Variants in ANXA1 observed in about 807,000 individuals in gnomAD.
ANXA1 encodes the protein annexin I (lipocortin I).
ANXA1 carries 39 observed loss-of-function variants against 47.9 expected under a neutral mutation model. That is an observed-to-expected ratio of 0.81 (90% CI 0.63 to 1.06). ANXA1 has a LOEUF of 1.06. Among genes scored for constraint, ANXA1 ranks in the 50% least tolerant of loss-of-function variants. The pLI is 0.00. For synonymous variants in ANXA1, 146 were observed against 142.5 expected (o/e 1.02, Z -0.17); for missense variants, 446 against 422.7 (o/e 1.06, Z -0.48).
intron 1 of ANXA1, 164 bp from the exon 2 acceptor site, chr9:73,158,358 A>G (rs1824081792): frequency 1.7e-6 from 1 of 579,196 alleles, no homozygotes; most frequent in African/African-American, 1.9e-5. Flanking sequence ...CCTTTAAAAA[A>G]AATTACGTCT....
chr9:73,168,780 G>C (rs930239599), intron 11 of ANXA1: 1 of 260,814 alleles, frequency 3.8e-6, no homozygotes, highest in Non-Finnish European at 7.3e-6. Flanking sequence ...ACAGTGTAGA[G>C]ACCGGATGGT....
At chr9:73,158,491 T>G in intron 1 of ANXA1, 31 bp from the exon 2 acceptor site, 2 of 1,571,984 alleles carry the variant, frequency 1.3e-6, no homozygotes, top group Non-Finnish European at 1.7e-6. Context: ...TGCATTTGTT[T>G]TGTAAAAGCA....
At position 73,167,503 on chromosome 9, in the gene ANXA1, G is replaced by A. The variant is rs1470954682; in HGVS notation, c.809G>A (p.Cys270Tyr). Residue 270 changes from cysteine to tyrosine, a missense_variant, in exon 11 of 13, where the codon TGC (cysteine) becomes TAC (tyrosine). Physicochemically the swap from Cys to Tyr is radical, Grantham distance 194 (BLOSUM62 -2). Transcript: ENST00000257497. ...AAATTTTCTTCTCTAACAGTGAAGT[G>A]CGCCACAAGCAAACCAGCTTTCTTT... is the stretch of plus-strand genomic sequence containing the variant. ...IEKCLTAIVK[C>Y]ATSKPAFFAE... is the part of the protein sequence containing the mutation. The A allele has an allele frequency of 6.2e-7, 1 of 1,613,110 alleles. No individual in the cohort carries two copies. The highest frequency in any genetic ancestry group is 1.3e-5 in the African/African-American group (1 of 74,840).
chr9:73,167,649 A>G, intron 11 of ANXA1, 94 bp downstream of exon 11: 1 of 1,101,300 alleles, frequency 9.1e-7, no homozygotes, highest in Non-Finnish European at 1.3e-6. Flanking sequence ...CTCACATTTA[A>G]TATCTTCCCA....
chr9:73,168,249 T>A (rs928917756), intron 11 of ANXA1: 1 of 152,144 alleles, frequency 6.6e-6, no homozygotes, highest in Non-Finnish European at 1.5e-5. Context: ...TAATATGAAA[T>A]GATAGACATG....
Position 73,160,363 on chromosome 9 carries a change from G to C in ANXA1, c.371G>C (p.Arg124Pro). ...TPAQFDADEL[R>P]AAMKGLGTDE... is the part of the protein sequence containing the mutation. ...GCGCAATTTGATGCTGATGAACTTC[G>C]TGCTGCCATGAAGGTAAATCGCCCA... The change falls in exon 5 of 13, where the codon CGT becomes CCT. Residue 124 changes from arginine (R) to proline (P), a missense_variant. Physicochemically the swap from Arg to Pro is moderately radical, Grantham distance 103. Coordinates refer to ENST00000257497, the MANE Select transcript of ANXA1 (RefSeq NM_000700.3). 10 of 1,576,272 alleles carry C rather than the reference G, an allele frequency of 6.3e-6. No homozygotes were observed. Among genetic ancestry groups the C allele is most frequent in the Non-Finnish European group, 8.6e-6 (10 of 1,167,962 alleles).
chr9:73,156,122 A>C (rs1463396840), intron 1 of ANXA1, among the ~76,000 whole-genome samples: 1 of 29,332 alleles, frequency 3.4e-5, no homozygotes, highest in African/African-American at 9.1e-5. Context: ...TAATAATAAT[A>C]ATAAATAAAT....
chr9:73,162,684 T>C (rs1824163173), intron 6 of ANXA1, 98 bp from the exon 7 acceptor site: 1 of 806,252 alleles, frequency 1.2e-6, no homozygotes, highest in African/African-American at 1.7e-5. Context: ...CATTGAACAC[T>C]GTGGCACTGT....
At chr9:73,170,007 A>T in intron 12 of ANXA1, 44 bp from the exon 13 acceptor site, 2 of 1,437,842 alleles carry the variant, frequency 1.4e-6, no homozygotes, top group Non-Finnish European at 1.9e-6. Context: ...ATAGAGAATT[A>T]TGGTTTCGAC....
At chr9:73,152,615 C>T (rs1430992969) in intron 1 of ANXA1, among the ~76,000 whole-genome samples, 2 of 152,032 alleles carry the variant, frequency 1.3e-5, no homozygotes, top group Non-Finnish European at 2.9e-5. Context: ...GGCTGGAAAA[C>T]CTAAAAAGAA....
rs10869230 is a variant in ANXA1, at chr9:73,156,152, A to T, written c.-14-2370A>T. Among the ~76,000 whole-genome samples, 710 of 74,242 alleles carry T rather than the reference A, an allele frequency of 9.6e-3. 2 individuals carry two copies. Among genetic ancestry groups the T allele is most frequent in the African/African-American group, 0.088 (477 of 5,446 alleles). The allele number at this position is 74,242 out of a possible 152,430, so 48.7% of individuals were successfully genotyped here. ...ATAAATAATAATAATAAATAATATAAATAAATAAATAAATAAATAAAATAA... is the reference window on the plus strand; with the variant it reads ...ATAAATAATAATAATAAATAATATATATAAATAAATAAATAAATAAAATAA... On this transcript the variant is annotated intron_variant, in intron 1 of 12. Transcript: ENST00000257497.
chr9:73,163,612 CAAATCTA>C, intron 8 of ANXA1, 80 bp downstream of exon 8: 3 of 1,436,084 alleles, frequency 2.1e-6, no homozygotes, highest in Non-Finnish European at 2.9e-6. Flanking sequence ...CCTGTGAAAG[CAAATCTA>C]AGATCTTCTG....
At chr9:73,162,903 A>G (rs760866407) in intron 7 of ANXA1, 42 bp downstream of exon 7, 33 of 1,489,126 alleles carry the variant, frequency 2.2e-5, no homozygotes, top group Non-Finnish European at 2.7e-5. Context: ...TGTTTTATAA[A>G]GACTAATTTC....
At chr9:73,158,364 C>A in intron 1 of ANXA1, 158 bp from the exon 2 acceptor site, 1 of 579,040 alleles carries the variant, frequency 1.7e-6, no homozygotes. Flanking sequence ...AAAAAAATTA[C>A]GTCTTACATT....
intron 8 of ANXA1, among the ~76,000 whole-genome samples, chr9:73,163,771 A>G (rs994624270): frequency 6.6e-6 from 1 of 152,178 alleles, no homozygotes; most frequent in African/African-American, 2.4e-5. Context: ...AGGACAATAC[A>G]AATTTGATTT....
Position 73,170,141 on chromosome 9 carries a change from A to G in ANXA1, c.*34A>G. On this transcript the variant is annotated 3_prime_UTR_variant, in exon 13 of 13. Transcript: ENST00000257497. Reference sequence around the variant, plus strand: ...TTGATGGTCTCAAGCTATGATCAGAAGACTTTAATTATATATTTTCATCCT... The same window carrying G: ...TTGATGGTCTCAAGCTATGATCAGAGGACTTTAATTATATATTTTCATCCT... 6.4e-7 allele frequency: 1 copy of G among 1,560,540 alleles called. No individual in the cohort carries two copies. The highest frequency in any genetic ancestry group is 8.7e-7 in the Non-Finnish European group (1 of 1,146,476).
intron 5 of ANXA1, 52 bp from the exon 6 acceptor site, chr9:73,160,751 C>T (rs1824128309): frequency 1.4e-6 from 2 of 1,410,802 alleles, no homozygotes; most frequent in Non-Finnish European, 9.9e-7. Flanking sequence ...CATTGATCCT[C>T]TTGCATGAAG....
At position 73,160,332 on chromosome 9, in the gene ANXA1, A is replaced by T. The variant is rs769227185; in HGVS notation, c.340A>T (p.Thr114Ser). 2.5e-6 allele frequency: 4 copies of T among 1,586,720 alleles called. No homozygotes were observed. Among genetic ancestry groups the T allele is most frequent in the South Asian group, 2.3e-5 (2 of 86,274 alleles). ...LEEVVLALLK[T>S]PAQFDADELR... ...GGAGGTTGTTTTAGCTCTGCTAAAA[A>T]CTCCAGCGCAATTTGATGCTGATGA... The change falls in exon 5 of 13, where the codon ACT becomes TCT. Residue 114 changes from threonine (T) to serine (S), a missense_variant. Physicochemically the swap from Thr to Ser is moderately conservative, Grantham distance 58 (BLOSUM62 1). Coordinates refer to ENST00000257497, the MANE Select transcript of ANXA1 (RefSeq NM_000700.3).
intron 1 of ANXA1, among the ~76,000 whole-genome samples, chr9:73,153,056 G>A (rs1823995692): frequency 6.6e-6 from 1 of 152,166 alleles, no homozygotes; most frequent in South Asian, 2.1e-4. Flanking sequence ...TGACTCAAAT[G>A]TGGTAAAATG....
Sources: allele counts gnomAD v4.1 joint callset (sites outside exome capture counted in the v4.1 genomes callset), GRCh38; gene constraint gnomAD v4.1.1; transcripts MANE v1.5; gene names NCBI Gene and HGNC (gene_info 2026-07-23, HGNC 2026-07-21).